TPD52: variants seen among roughly 807,000 people sequenced by gnomAD.
TPD52 encodes tumor protein D52.
TPD52 carries 17 observed loss-of-function variants against 31.3 expected under a neutral mutation model. The observed-to-expected ratio is 0.54, with a 90% confidence interval of 0.37 to 0.82. TPD52 has a LOEUF of 0.82. TPD52 is among the 40% of genes least tolerant of loss of function. The probability of loss-of-function intolerance (pLI) is 0.00; values close to 1 mark genes in which losing one functional copy is unlikely to be tolerated. For synonymous variants in TPD52, 83 were observed against 89.6 expected (o/e 0.93, Z 0.42); for missense variants, 212 against 240.1 (o/e 0.88, Z 0.77).
downstream of TPD52, chr8:80,032,842 A>G (rs1414681330): frequency 6.6e-6 from 1 of 152,348 alleles, no homozygotes; most frequent in Non-Finnish European, 1.5e-5. Flanking sequence ...GGAAACTTCC[A>G]TGGCCTGCAG....
intron 1 of TPD52, among the ~76,000 whole-genome samples, chr8:80,084,347 A>C (rs993811178): frequency 4.6e-5 from 7 of 152,160 alleles, no homozygotes; most frequent in Non-Finnish European, 1.0e-4. Context: ...TGGCCTAAGG[A>C]TAGACATCTG....
At chr8:80,153,760 T>C (rs1810742294) in intron 1 of TPD52, among the ~76,000 whole-genome samples, 1 of 152,122 alleles carries the variant, frequency 6.6e-6, no homozygotes, top group Non-Finnish European at 1.5e-5. Flanking sequence ...AATTTTAAGC[T>C]CCCTCATCAG....
In TPD52 at chr8:80,053,331, G is replaced by T. The variant is rs771297143; in HGVS notation, c.235C>A (p.Leu79Ile). The change falls in exon 3 of 8, where the codon CTA (leucine) becomes ATA (isoleucine). Residue 79 changes from leucine to isoleucine, a missense_variant. Coordinates refer to ENST00000518937, the MANE Select transcript of TPD52 (RefSeq NM_001025253.3). Reference protein sequence around the residue: ...RKLGINSLQELKQNIAKGWQD... With the variant: ...RKLGINSLQEIKQNIAKGWQD... ...CACCCTTTGGCAATGTTCTGTTTTA[G>T]TTCCTGTAGAGAATTGATTCCAAGT... 6.2e-7 allele frequency: 1 copy of T among 1,613,608 alleles called. No homozygotes were observed. The highest frequency in any genetic ancestry group is 1.3e-5 in the African/African-American group (1 of 74,876).
intron 2 of TPD52, 126 bp downstream of exon 2, chr8:80,064,352 G>T (rs1812881605): frequency 6.5e-6 from 5 of 771,116 alleles, no homozygotes; most frequent in Non-Finnish European, 1.1e-5. Flanking sequence ...ACCTGCTGGA[G>T]AAGTAAACAC....
At chr8:80,136,397 A>G (rs1586370635) in intron 1 of TPD52, among the ~76,000 whole-genome samples, 1 of 150,774 alleles carries the variant, frequency 6.6e-6, no homozygotes, top group African/African-American at 2.4e-5. Context: ...GGTGGTGGGC[A>G]CCTGTAGTCC....
intron 2 of TPD52, 93 bp downstream of exon 2, chr8:80,064,385 C>T (rs965547498): frequency 2.0e-6 from 2 of 1,018,296 alleles, no homozygotes; most frequent in Non-Finnish European, 3.1e-6. Context: ...TCCCCTGGAA[C>T]TAACTATAAA....
chr8:80,135,318 T>A (rs1809313388), intron 1 of TPD52, among the ~76,000 whole-genome samples: 1 of 152,118 alleles, frequency 6.6e-6, no homozygotes, highest in Non-Finnish European at 1.5e-5. Flanking sequence ...GGGAGTTTCA[T>A]TTTCACCTCC....
rs376105941 is a variant in TPD52, at chr8:80,036,451, T to C, written c.*1665A>G. 1.3e-5 allele frequency: 2 copies of C among 152,694 alleles called. No individual in the cohort carries two copies. Among genetic ancestry groups the C allele is most frequent in the South Asian group, 4.2e-4 (2 of 4,818 alleles). The allele number at this position is 152,694 out of a possible 1,614,324, so 9.5% of individuals were successfully genotyped here. A position where few individuals can be genotyped will look rare whatever the true frequency, so the allele number is the denominator to read the frequency against. On this transcript the variant is annotated 3_prime_UTR_variant, in exon 8 of 8. Coordinates refer to ENST00000518937, the MANE Select transcript of TPD52 (RefSeq NM_001025253.3). Reference sequence around the variant, plus strand: ...TGCCTTAAAGCCCTTATTTAGAATATGTTAATATGATACCATTAAGCAATA... The same window carrying C: ...TGCCTTAAAGCCCTTATTTAGAATACGTTAATATGATACCATTAAGCAATA...
At chr8:80,080,300 A>G (rs374966215) in intron 1 of TPD52, 3 of 1,612,710 alleles carry the variant, frequency 1.9e-6, no homozygotes, top group Middle Eastern at 1.7e-4. Flanking sequence ...TTAACTTTAC[A>G]AAATTAGTAG....
At chr8:80,064,815 A>G (rs1224980949) in intron 1 of TPD52, 1 of 674,052 alleles carries the variant, frequency 1.5e-6, no homozygotes, top group South Asian at 1.5e-5. Flanking sequence ...GAATTTAGAA[A>G]ATATAGCATT....
At chr8:80,103,854 T>A (rs62516078) in intron 1 of TPD52, among the ~76,000 whole-genome samples, 16,457 of 152,220 alleles carry the variant, frequency 0.11, 1,073 homozygotes, top group South Asian at 0.21. Context: ...TAGGAAAGGT[T>A]CCACGAAGAC....
intron 1 of TPD52, among the ~76,000 whole-genome samples, chr8:80,109,658 T>C (rs4740116): frequency 0.44 from 67,488 of 151,844 alleles, 15,472 homozygotes; most frequent in East Asian, 0.79. Context: ...CCACCCGCCT[T>C]GGCCTCCCAA....
intron 2 of TPD52, 23 bp downstream of exon 2, chr8:80,064,455 T>C (rs1812895531): frequency 1.3e-6 from 2 of 1,575,770 alleles, no homozygotes; most frequent in South Asian, 1.1e-5. Flanking sequence ...AAAAATAAAG[T>C]TGCAAAAGGA....
chr8:80,134,332 A>G (rs971620082), intron 1 of TPD52, among the ~76,000 whole-genome samples: 1 of 152,234 alleles, frequency 6.6e-6, no homozygotes, highest in Admixed American at 6.5e-5. Context: ...CACCTTTACA[A>G]GAGGAAAATG....
chr8:80,055,735 A>C (rs1040736789), intron 2 of TPD52, among the ~76,000 whole-genome samples: 2 of 152,248 alleles, frequency 1.3e-5, no homozygotes, highest in Non-Finnish European at 2.9e-5. Flanking sequence ...AAGGATCTAA[A>C]TAGACATTTC....
intron 1 of TPD52, among the ~76,000 whole-genome samples, chr8:80,129,422 A>G (rs1373620618): frequency 1.3e-5 from 2 of 152,216 alleles, no homozygotes; most frequent in South Asian, 2.1e-4. Context: ...AGCATTACAA[A>G]TCTGCTAAGA....
chr8:80,135,404 C>T (rs1283982093), intron 1 of TPD52, among the ~76,000 whole-genome samples: 3 of 152,138 alleles, frequency 2.0e-5, no homozygotes, highest in Non-Finnish European at 4.4e-5. Flanking sequence ...CCTGAGTCTT[C>T]TCACCCTACC....
intron 3 of TPD52, 59 bp from the exon 4 acceptor site, chr8:80,051,687 C>T: frequency 1.4e-6 from 2 of 1,394,888 alleles, no homozygotes; most frequent in African/African-American, 1.5e-5. Flanking sequence ...TTTCTAATAT[C>T]AATTGTTTCA....
intron 3 of TPD52, 56 bp downstream of exon 3, chr8:80,053,226 A>G (rs1031303234): frequency 1.3e-6 from 2 of 1,557,306 alleles, no homozygotes; most frequent in African/African-American, 1.4e-5. Flanking sequence ...TCCAGACAAA[A>G]GGCACAACAG....
Sources: allele counts gnomAD v4.1 joint callset (sites outside exome capture counted in the v4.1 genomes callset), GRCh38; gene constraint gnomAD v4.1.1; transcripts MANE v1.5; gene names NCBI Gene and HGNC (gene_info 2026-07-23, HGNC 2026-07-21).